The following PKIB variants were observed in gnomAD, a reference collection of about 807,000 sequenced individuals.
PKIB encodes cAMP-dependent protein kinase inhibitor beta, also known as PKI-beta.
A neutral mutation model predicts 4.5 loss-of-function variants in PKIB; 2 were observed. The observed-to-expected ratio is 0.44, with a 90% confidence interval of 0.18 to 1.39. The LOEUF (loss-of-function observed/expected upper bound fraction) is 1.39, where lower values mean the gene tolerates loss of function less well. Among genes scored for constraint, PKIB ranks in the 40% most tolerant of loss-of-function variants. The probability of loss-of-function intolerance (pLI) is 0.27; values close to 1 mark genes in which losing one functional copy is unlikely to be tolerated. For synonymous variants in PKIB, 38 were observed against 36.0 expected, an observed-to-expected ratio of 1.06 and a Z score of -0.20; for missense variants, 94 against 92.6, an observed-to-expected ratio of 1.02 and a Z score of -0.06.
chr6:122,706,375 T>C (rs1779056226), intron 3 of PKIB, among the ~76,000 whole-genome samples: 1 of 152,174 alleles, frequency 6.6e-6, no homozygotes, highest in African/African-American at 2.4e-5. Flanking sequence ...GTGGGGACCA[T>C]ATATTAAGCA....
upstream of PKIB, among the ~76,000 whole-genome samples, chr6:122,608,663 T>C (rs1478941512): frequency 6.6e-6 from 1 of 152,224 alleles, no homozygotes; most frequent in Admixed American, 6.5e-5. Flanking sequence ...GTACCTACTT[T>C]GTGAAGGTAC....
At chr6:122,669,629 T>G (rs1052095713) in intron 2 of PKIB, among the ~76,000 whole-genome samples, 4 of 152,164 alleles carry the variant, frequency 2.6e-5, no homozygotes, top group African/African-American at 7.2e-5. Flanking sequence ...TATTTTCAAA[T>G]TTTTCCTTTT....
At chr6:122,481,972 T>G (rs1030383164) in intron 2 of PKIB, 15 of 151,630 alleles carry the variant, frequency 9.9e-5, no homozygotes, top group African/African-American at 3.6e-4. Flanking sequence ...TTTTGTTTTT[T>G]TTTTTTGAGG....
chr6:122,605,314 G>A (rs947100723), upstream of PKIB, among the ~76,000 whole-genome samples: 1 of 124,292 alleles, frequency 8.0e-6, no homozygotes, highest in African/African-American at 2.6e-5. Flanking sequence ...GGAATTTATG[G>A]TTCCTGTCCT....
chr6:122,541,385 C>CA (rs1165387358), intron 2 of PKIB, among the ~76,000 whole-genome samples: 2 of 151,302 alleles, frequency 1.3e-5, no homozygotes, highest in African/African-American at 4.9e-5. Flanking sequence ...CTGGTGGTGA[C>CA]AAAATCTCTC....
At chr6:122,524,928 A>AT (rs910303110) in intron 2 of PKIB, among the ~76,000 whole-genome samples, 2 of 147,692 alleles carry the variant, frequency 1.4e-5, no homozygotes, top group Admixed American at 1.3e-4. Flanking sequence ...CGTTTTGTTG[A>AT]TTTTTTTCCT....
At chr6:122,649,712 C>T (rs899355053) in intron 2 of PKIB, among the ~76,000 whole-genome samples, 1 of 152,186 alleles carries the variant, frequency 6.6e-6, no homozygotes, top group African/African-American at 2.4e-5. Context: ...TTCATAGTAA[C>T]TTGGTGGCCC....
intron 2 of PKIB, among the ~76,000 whole-genome samples, chr6:122,641,812 G>A (rs1452123287): frequency 6.6e-6 from 1 of 152,174 alleles, no homozygotes; most frequent in Non-Finnish European, 1.5e-5. Context: ...TCCTGCCTCA[G>A]CCTCCCGAGT....
At chr6:122,674,040 G>A (rs1777569372) in intron 2 of PKIB, among the ~76,000 whole-genome samples, 1 of 152,164 alleles carries the variant, frequency 6.6e-6, no homozygotes, top group Non-Finnish European at 1.5e-5. Context: ...AGGGGTGACA[G>A]AAATAAAGCA....
intron 2 of PKIB, among the ~76,000 whole-genome samples, chr6:122,636,897 A>G (rs1367498640): frequency 2.6e-5 from 4 of 152,202 alleles, no homozygotes; most frequent in Admixed American, 6.5e-5. Flanking sequence ...GAATTCCCCA[A>G]ACAGATCAAA....
At chr6:122,702,961 A>G (rs1411892883) in intron 3 of PKIB, among the ~76,000 whole-genome samples, 1 of 152,118 alleles carries the variant, frequency 6.6e-6, no homozygotes, top group East Asian at 1.9e-4. Context: ...TCCATTTTTC[A>G]TTTGGAATAC....
chr6:122,562,872 T>C (rs1399907054), intron 2 of PKIB, among the ~76,000 whole-genome samples: 2 of 147,198 alleles, frequency 1.4e-5, no homozygotes, highest in Non-Finnish European at 3.0e-5. Flanking sequence ...TCTGGTATCA[T>C]TTTTTTTTTT....
At chr6:122,483,573 T>C (rs1775685994) in intron 2 of PKIB, 1 of 152,194 alleles carries the variant, frequency 6.6e-6, no homozygotes, top group African/African-American at 2.4e-5. Context: ...ATGTAACATA[T>C]ACCCAGAGAT....
chr6:122,539,717 C>T (rs1394279046), intron 2 of PKIB, among the ~76,000 whole-genome samples: 2 of 151,564 alleles, frequency 1.3e-5, no homozygotes, highest in Non-Finnish European at 2.9e-5. Context: ...GGGAGGATTC[C>T]CTCTTTTTCT....
intron 2 of PKIB, among the ~76,000 whole-genome samples, chr6:122,568,285 T>C (rs1364027627): frequency 6.6e-6 from 1 of 152,172 alleles, no homozygotes; most frequent in Non-Finnish European, 1.5e-5. Context: ...TAAATTTTTT[T>C]CCAAGAACCA....
intron 3 of PKIB, among the ~76,000 whole-genome samples, chr6:122,677,842 T>TCTTCCTTCCTTCCTTC (rs66707245): frequency 1.1e-4 from 16 of 141,220 alleles, no homozygotes; most frequent in African/African-American, 4.0e-4. Flanking sequence ...AGCTTTCTTT[T>TCTTCCTTCCTTCCTTC]CTTCCTTCCT....
At chr6:122,648,444 T>G (rs1776410948) in intron 2 of PKIB, among the ~76,000 whole-genome samples, 1 of 152,178 alleles carries the variant, frequency 6.6e-6, no homozygotes. Context: ...CCCAGCAAAA[T>G]ACTGCCACCT....
chr6:122,635,346 G>A (rs1382027173), intron 2 of PKIB, among the ~76,000 whole-genome samples: 1 of 152,042 alleles, frequency 6.6e-6, no homozygotes, highest in Non-Finnish European at 1.5e-5. Flanking sequence ...CTATGTCCTT[G>A]ACCAGCTTGA....
At chr6:122,529,803 A>C (rs1156575968) in intron 2 of PKIB, among the ~76,000 whole-genome samples, 1 of 152,106 alleles carries the variant, frequency 6.6e-6, no homozygotes, top group African/African-American at 2.4e-5. Flanking sequence ...ATCCCCTGAT[A>C]ATCTTATGGA....
Sources: gnomAD v4.1 joint callset for allele counts (sites outside exome capture counted in the v4.1 genomes callset) on GRCh38, gnomAD v4.1.1 for gene constraint, MANE v1.5 for transcripts, NCBI Gene and HGNC (gene_info 2026-07-23, HGNC 2026-07-21) for gene names.